Variants in PROS1 observed in about 807,000 individuals in gnomAD.
PROS1 encodes the protein protein S.
Under a neutral mutation model 75.9 loss-of-function variants are expected in PROS1, and 29 were observed. That is an observed-to-expected ratio of 0.38 (90% CI 0.28 to 0.52). PROS1 has a LOEUF of 0.52. Ranked by LOEUF, PROS1 falls within the 20% of genes least tolerant of loss-of-function variation. The probability of loss-of-function intolerance (pLI) is 0.83; values close to 1 mark genes in which losing one functional copy is unlikely to be tolerated. For synonymous variants in PROS1, 245 were observed against 280.6 expected (o/e 0.87, Z 1.27); for missense variants, 680 against 810.3 (o/e 0.84, Z 1.95).
At chr3:93,894,185 T>C (rs1421565598) in intron 9 of PROS1, among the ~76,000 whole-genome samples, 1 of 152,070 alleles carries the variant, frequency 6.6e-6, no homozygotes, top group Non-Finnish European at 1.5e-5. Flanking sequence ...TATAGTAAAA[T>C]AGTAATAGTA....
At chr3:93,950,098 T>C (rs1053251267) in intron 1 of PROS1, among the ~76,000 whole-genome samples, 51 of 152,214 alleles carry the variant, frequency 3.4e-4, no homozygotes, top group African/African-American at 1.2e-3. Flanking sequence ...CACAGCAGTC[T>C]GAGATCAAAT....
At chr3:93,944,470 G>A (rs1239551817) in intron 1 of PROS1, among the ~76,000 whole-genome samples, 1 of 152,160 alleles carries the variant, frequency 6.6e-6, no homozygotes, top group Non-Finnish European at 1.5e-5. Context: ...AGACCACAAT[G>A]CAATCAAACT....
intron 10 of PROS1, among the ~76,000 whole-genome samples, chr3:93,889,613 G>A (rs767231833): frequency 1.3e-5 from 2 of 152,168 alleles, no homozygotes; most frequent in Non-Finnish European, 2.9e-5. Context: ...TCTTGCTATT[G>A]TTGCGGGAAG....
At chr3:93,936,156 G>A (rs897324514) in intron 1 of PROS1, among the ~76,000 whole-genome samples, 1 of 148,356 alleles carries the variant, frequency 6.7e-6, no homozygotes, top group Non-Finnish European at 1.5e-5. Context: ...GGCTATATTT[G>A]GAGACAGGTC....
intron 1 of PROS1, among the ~76,000 whole-genome samples, chr3:93,968,784 G>A (rs1276471158): frequency 6.6e-6 from 1 of 151,868 alleles, no homozygotes; most frequent in Non-Finnish European, 1.5e-5. Context: ...CAATAATCCA[G>A]GCAAAATAGT....
At chr3:93,930,072 T>G (rs897272789) in intron 1 of PROS1, among the ~76,000 whole-genome samples, 15 of 152,242 alleles carry the variant, frequency 9.9e-5, no homozygotes, top group Admixed American at 9.8e-4. Context: ...TAATATTACT[T>G]TATTTCTCTG....
intron 1 of PROS1, among the ~76,000 whole-genome samples, chr3:93,934,311 A>G (rs535774394): frequency 6.6e-6 from 1 of 152,334 alleles, no homozygotes; most frequent in African/African-American, 2.4e-5. Flanking sequence ...TTTCATAAAG[A>G]TTTCTACCAC....
intron 1 of PROS1, among the ~76,000 whole-genome samples, chr3:93,942,741 G>A (rs372103935): frequency 1.6e-4 from 24 of 152,198 alleles, no homozygotes; most frequent in Non-Finnish European, 2.5e-4. Flanking sequence ...CCACTAGCCC[G>A]CCTCTTAGAA....
chr3:93,892,886 C>T (rs577838624), intron 10 of PROS1, 47 bp downstream of exon 10: 2 of 1,561,542 alleles, frequency 1.3e-6, no homozygotes, highest in African/African-American at 2.7e-5. Context: ...TGATTTTATA[C>T]AGACTGCATC....
intron 1 of PROS1, among the ~76,000 whole-genome samples, chr3:93,927,973 GTATATATA>G (rs1274766996): frequency 1.1e-5 from 1 of 94,112 alleles, no homozygotes; most frequent in Non-Finnish European, 2.2e-5. Flanking sequence ...ATATATGTGT[GTATATATA>G]TGTGTGTGTG....
rs145441835 is a variant in PROS1, at chr3:93,915,842, C to G, written c.260-5137G>C. On this transcript the variant is annotated intron_variant, in intron 3 of 14. Transcript: ENST00000394236. Reference sequence around the variant, plus strand: ...TCCATTCACAGCAATCTAGGCTCTTCCTAGCCTGCTCCTCCAGATTCTTCC... The same window carrying G: ...TCCATTCACAGCAATCTAGGCTCTTGCTAGCCTGCTCCTCCAGATTCTTCC... 9.1e-3 allele frequency among the ~76,000 whole-genome samples: 1,391 copies of G among 152,268 alleles called. 16 individuals carry two copies. The highest frequency in any genetic ancestry group is 0.03 in the African/African-American group (1,229 of 41,544).
At chr3:93,940,088 A>T (rs189348695) in intron 1 of PROS1, among the ~76,000 whole-genome samples, 2 of 152,246 alleles carry the variant, frequency 1.3e-5, no homozygotes, top group Admixed American at 6.5e-5. Flanking sequence ...AGTGCCGGAA[A>T]TCTGGCCACT....
intron 3 of PROS1, among the ~76,000 whole-genome samples, chr3:93,916,195 T>C (rs1203118114): frequency 6.6e-6 from 1 of 152,134 alleles, no homozygotes; most frequent in Admixed American, 6.5e-5. Context: ...TAGTTTTAGG[T>C]CTCGAGTAGT....
intron 1 of PROS1, among the ~76,000 whole-genome samples, chr3:93,944,955 A>C (rs1709356194): frequency 6.6e-6 from 1 of 152,184 alleles, no homozygotes; most frequent in Admixed American, 6.5e-5. Flanking sequence ...GAAGAATCAA[A>C]TAGACGCAAT....
intron 1 of PROS1, among the ~76,000 whole-genome samples, chr3:93,936,524 C>T (rs1709186631): frequency 6.6e-6 from 1 of 152,154 alleles, no homozygotes. Context: ...TGTGCTTTCT[C>T]TATCCCCTGT....
In PROS1 at chr3:93,879,258, A is replaced by T. The variant is rs1168804852; in HGVS notation, c.1549T>A (p.Ser517Thr). 5.6e-6 allele frequency: 9 copies of T among 1,614,116 alleles called. No individual in the cohort carries two copies. The highest frequency in any genetic ancestry group is 2.7e-5 in the African/African-American group (2 of 75,056). ...GCAAGCATAACACCAGTGCCCGTGG[A>T]TGGACGAATATTCAAGGTCACATTT... ...HVNVTLNIRP[S>T]TGTGVMLALV... is the part of the protein sequence containing the mutation. Residue 517 changes from serine to threonine, a missense_variant, in exon 13 of 15, where the codon TCC becomes ACC. Physicochemically the swap from Ser to Thr is moderately conservative, Grantham distance 58. Coordinates refer to ENST00000394236, the MANE Select transcript of PROS1 (RefSeq NM_000313.4).
At chr3:93,954,915 A>G (rs1297055869) in intron 1 of PROS1, among the ~76,000 whole-genome samples, 1 of 152,256 alleles carries the variant, frequency 6.6e-6, no homozygotes, top group Non-Finnish European at 1.5e-5. Context: ...AAGTGGGCAA[A>G]GGATATGAAC....
At chr3:93,885,593 C>T (rs1461837450) in intron 11 of PROS1, among the ~76,000 whole-genome samples, 1 of 152,140 alleles carries the variant, frequency 6.6e-6, no homozygotes, top group Non-Finnish European at 1.5e-5. Flanking sequence ...TCTCTTCAGA[C>T]ACAAAAGTGT....
chr3:93,926,177 T>C (rs1424379334), intron 2 of PROS1, among the ~76,000 whole-genome samples: 1 of 152,090 alleles, frequency 6.6e-6, no homozygotes, highest in Non-Finnish European at 1.5e-5. Flanking sequence ...AAAAAATAGG[T>C]AAAACAAGAA....
Sources: allele counts gnomAD v4.1 joint callset (sites outside exome capture counted in the v4.1 genomes callset), GRCh38; gene constraint gnomAD v4.1.1; transcripts MANE v1.5; gene names NCBI Gene and HGNC (gene_info 2026-07-23, HGNC 2026-07-21).